SLC24A3: variants seen among roughly 807,000 people sequenced by gnomAD.
The protein encoded by SLC24A3 is sodium/potassium/calcium exchanger 3.
A neutral mutation model predicts 75.8 loss-of-function variants in SLC24A3; 28 were observed. That is an observed-to-expected ratio of 0.37 (90% CI 0.27 to 0.51). SLC24A3 has a LOEUF of 0.51. SLC24A3 is among the 20% of genes least tolerant of loss of function. SLC24A3 has a pLI of 0.94. For missense variants in SLC24A3, 663 were observed against 847.8 expected, an observed-to-expected ratio of 0.78 and a Z score of 2.71; for synonymous variants, 372 against 334.1, an observed-to-expected ratio of 1.11 and a Z score of -1.24.
At position 19,309,060 on chromosome 20, in the gene SLC24A3, T is replaced by C. The variant is rs1026261372; in HGVS notation, c.271+27973T>C. ...CATATGTTATTTTACCGTCTTGTAA[T>C]TCAGACCAGGGCCTCCTTTTTTGTT... On this transcript the variant is annotated intron_variant, in intron 2 of 16. Transcript: ENST00000328041. Among the ~76,000 whole-genome samples the C allele has an allele frequency of 3.3e-5, 5 of 152,234 alleles. No individual in the cohort carries two copies. In the South Asian group the frequency reaches 1.0e-3, roughly 32 times the overall value.
chr20:19,410,592 A>G (rs994552508), intron 2 of SLC24A3, among the ~76,000 whole-genome samples: 7 of 152,174 alleles, frequency 4.6e-5, no homozygotes, highest in Admixed American at 2.0e-4. Flanking sequence ...GTTGAAAAAT[A>G]AGCGTGGTTC....
chr20:19,412,721 G>C (rs8124727), intron 2 of SLC24A3, among the ~76,000 whole-genome samples: 3,849 of 152,196 alleles, frequency 0.025, 181 homozygotes, highest in African/African-American at 0.088. Context: ...GCATATTTTG[G>C]ATGTCACTTT....
intron 3 of SLC24A3, among the ~76,000 whole-genome samples, chr20:19,548,728 T>C (rs953037124): frequency 1.3e-5 from 2 of 152,252 alleles, no homozygotes; most frequent in Non-Finnish European, 2.9e-5. Flanking sequence ...AAGAATAATC[T>C]TCCTCTTTTA....
In SLC24A3 at chr20:19,406,186, G is replaced by T. The variant is rs1312933615; in HGVS notation, c.272-109302G>T. On this transcript the variant is annotated intron_variant, in intron 2 of 16. Coordinates refer to ENST00000328041, the MANE Select transcript of SLC24A3 (RefSeq NM_020689.4). ...CATTTAGTGCTTTTAAAGATGGTGT[G>T]TGTGTGTGTGTGTGTGTGTGTGCGT... is the stretch of plus-strand genomic sequence containing the variant. Among the ~76,000 whole-genome samples, 6 of 142,102 alleles carry T rather than the reference G, an allele frequency of 4.2e-5. 1 individual carries two copies. The highest frequency in any genetic ancestry group is 2.7e-4 in the Admixed American group (4 of 14,772). 93.2% of individuals were successfully genotyped at this position (142,102 alleles called of 152,430 possible).
At chr20:19,648,452 G>A (rs1448919168) in intron 6 of SLC24A3, among the ~76,000 whole-genome samples, 4 of 146,806 alleles carry the variant, frequency 2.7e-5, no homozygotes, top group African/African-American at 1.0e-4. Context: ...TGCTTCAACA[G>A]TTTTTTTTTT....
At chr20:19,397,528 T>G (rs927532582) in intron 2 of SLC24A3, among the ~76,000 whole-genome samples, 1 of 152,196 alleles carries the variant, frequency 6.6e-6, no homozygotes, top group African/African-American at 2.4e-5. Context: ...TAACAGACAT[T>G]TGTTGTCTTC....
intron 2 of SLC24A3, among the ~76,000 whole-genome samples, chr20:19,356,505 G>A (rs754714375): frequency 7.9e-5 from 12 of 152,250 alleles, no homozygotes; most frequent in South Asian, 2.1e-4. Context: ...TATCTGTGTC[G>A]CTGTATGGGA....
intron 2 of SLC24A3, among the ~76,000 whole-genome samples, chr20:19,417,778 C>T (rs1024005124): frequency 1.3e-5 from 2 of 152,208 alleles, no homozygotes; most frequent in Non-Finnish European, 2.9e-5. Flanking sequence ...CATTCTGACT[C>T]AGGCATCAGC....
intron 3 of SLC24A3, among the ~76,000 whole-genome samples, chr20:19,522,063 C>T (rs1410621721): frequency 6.6e-6 from 1 of 152,162 alleles, no homozygotes; most frequent in African/African-American, 2.4e-5. Flanking sequence ...AACGTGGTAG[C>T]CACTGGCCAT....
At chr20:19,378,897 A>T (rs1428354056) in intron 2 of SLC24A3, among the ~76,000 whole-genome samples, 1 of 121,238 alleles carries the variant, frequency 8.2e-6, no homozygotes, top group African/African-American at 3.5e-5. Flanking sequence ...TACTTTCTTT[A>T]AAAAAAGCTC....
intron 6 of SLC24A3, among the ~76,000 whole-genome samples, chr20:19,611,004 C>T (rs1394614185): frequency 6.6e-6 from 1 of 152,214 alleles, no homozygotes; most frequent in East Asian, 1.9e-4. Flanking sequence ...ATCACAGAAA[C>T]ACACTGCAGA....
intron 15 of SLC24A3, among the ~76,000 whole-genome samples, chr20:19,700,749 T>C (rs761784636): frequency 2.6e-5 from 4 of 152,238 alleles, no homozygotes; most frequent in African/African-American, 7.2e-5. Context: ...CAAAATCTCA[T>C]TGGAAACATC....
chr20:19,455,112 G>A (rs1256515432), intron 2 of SLC24A3, among the ~76,000 whole-genome samples: 2 of 152,174 alleles, frequency 1.3e-5, no homozygotes, highest in Admixed American at 6.5e-5. Context: ...TTTGCAAGTA[G>A]AATGGAGTCA....
intron 6 of SLC24A3, among the ~76,000 whole-genome samples, chr20:19,635,110 T>C (rs986298820): frequency 2.0e-5 from 3 of 152,246 alleles, no homozygotes; most frequent in Non-Finnish European, 4.4e-5. Context: ...ATCTCACTGC[T>C]GGTTCTCAGA....
At chr20:19,465,991 C>G (rs867166724) in intron 2 of SLC24A3, among the ~76,000 whole-genome samples, 1 of 152,190 alleles carries the variant, frequency 6.6e-6, no homozygotes, top group Non-Finnish European at 1.5e-5. Flanking sequence ...GGTAGTCATT[C>G]TCCTTGTCTC....
chr20:19,255,693 T>G (rs1982793963), intron 1 of SLC24A3, among the ~76,000 whole-genome samples: 1 of 152,222 alleles, frequency 6.6e-6, no homozygotes, highest in Admixed American at 6.5e-5. Flanking sequence ...GAGCCACACA[T>G]GGCAACCGAG....
chr20:19,361,971 G>A (rs143935343), intron 2 of SLC24A3, among the ~76,000 whole-genome samples: 99 of 152,202 alleles, frequency 6.5e-4, no homozygotes, highest in African/African-American at 2.1e-3. Context: ...CCTCTCAGTC[G>A]TATCTCGTTT....
chr20:19,377,807 G>A (rs998695659), intron 2 of SLC24A3, among the ~76,000 whole-genome samples: 3 of 152,204 alleles, frequency 2.0e-5, no homozygotes, highest in Admixed American at 6.5e-5. Flanking sequence ...TCACAGACCT[G>A]TTCAGAAAAG....
At chr20:19,334,505 G>A (rs1386833696) in intron 2 of SLC24A3, among the ~76,000 whole-genome samples, 5 of 152,118 alleles carry the variant, frequency 3.3e-5, no homozygotes, top group Non-Finnish European at 5.9e-5. Context: ...GATTCCATAA[G>A]TGATCATCTT....
Sources: allele counts gnomAD v4.1 joint callset (sites outside exome capture counted in the v4.1 genomes callset), GRCh38; gene constraint gnomAD v4.1.1; transcripts MANE v1.5; gene names NCBI Gene and HGNC (gene_info 2026-07-23, HGNC 2026-07-21).